The following GBP2 variants were observed in gnomAD, a reference collection of about 807,000 sequenced individuals.
GBP2 encodes guanylate binding protein 2.
GBP2 carries 54 observed loss-of-function variants against 60.8 expected under a neutral mutation model. That is an observed-to-expected ratio of 0.89 (90% CI 0.71 to 1.11). The LOEUF is 1.11. GBP2 is among the 50% of genes most tolerant of loss of function. The pLI is 0.00. For synonymous variants in GBP2, 243 were observed against 256.5 expected (o/e 0.95, Z 0.50); for missense variants, 665 against 703.3 (o/e 0.95, Z 0.62).
chr1:89,117,902 A>G, intron 4 of GBP2, 129 bp from the exon 5 acceptor site: 1 of 761,720 alleles, frequency 1.3e-6, no homozygotes, highest in East Asian at 2.7e-5. Context: ...ATTTATTTAC[A>G]GAATTCATTC....
intron 2 of GBP2, 44 bp from the exon 3 acceptor site, chr1:89,121,314 G>A: frequency 1.3e-6 from 2 of 1,519,618 alleles, no homozygotes; most frequent in South Asian, 2.5e-5. Flanking sequence ...TACTTAGTAG[G>A]TGTTTCTGGA....
chr1:89,112,514 C>T lies in GBP2; in HGVS notation c.1320G>A (p.Glu440=). ...GCACCTGGTAGTACTTATTCTTCAG[C>T]TCCTGCAGCTTCTGAGTAAAGAGAC... is the stretch of plus-strand genomic sequence containing the variant. The part of the protein sequence containing the change: ...GYRLFTQKLQ[E]LKNKYYQVPR... The change falls in exon 8 of 11, where the codon GAG becomes GAA. Residue 440 remains glutamate (E), a synonymous_variant. Coordinates refer to ENST00000370466, the MANE Select transcript of GBP2 (RefSeq NM_004120.5). 1 of 1,614,160 alleles carries T rather than the reference C, an allele frequency of 6.2e-7. No homozygotes were observed. Among genetic ancestry groups the T allele is most frequent in the South Asian group, 1.1e-5 (1 of 91,082 alleles).
In GBP2 at chr1:89,109,666, C is replaced by T. The variant is rs960982863; in HGVS notation, c.1659+11G>A. Reference sequence around the variant, plus strand: ...ACTGGAAGAGAAAATTGAGATGATGCAATTGAATACCTGAAGTTTAAGAGC... The same window carrying T: ...ACTGGAAGAGAAAATTGAGATGATGTAATTGAATACCTGAAGTTTAAGAGC... On this transcript the variant is annotated intron_variant, in intron 10 of 10. Coordinates refer to ENST00000370466, the MANE Select transcript of GBP2 (RefSeq NM_004120.5). 2 of 1,610,534 alleles carry T rather than the reference C, an allele frequency of 1.2e-6. No homozygotes were observed. The highest frequency in any genetic ancestry group is 1.7e-5 in the Admixed American group (1 of 59,762).
At chr1:89,117,852 T>C (rs1410627509) in intron 4 of GBP2, 79 bp from the exon 5 acceptor site, 1 of 1,157,688 alleles carries the variant, frequency 8.6e-7, no homozygotes, top group East Asian at 2.6e-5. Flanking sequence ...CCTAAAATAA[T>C]TTGGTTTCTT....
At position 89,117,253 on chromosome 1, in the gene GBP2, G is replaced by A; in HGVS notation, c.626-19C>T. 1.9e-6 allele frequency: 3 copies of A among 1,595,648 alleles called. No homozygotes were observed. The highest frequency in any genetic ancestry group is 2.6e-6 in the Non-Finnish European group (3 of 1,164,482). Reference sequence around the variant, plus strand: ...TCAGTACCTACAGGAATGAAAATTAGAAGTAGTAAAACTTCAAATTAATTA... The same window carrying A: ...TCAGTACCTACAGGAATGAAAATTAAAAGTAGTAAAACTTCAAATTAATTA... On this transcript the variant is annotated intron_variant, in intron 5 of 10. Coordinates refer to ENST00000370466, the MANE Select transcript of GBP2 (RefSeq NM_004120.5).
At chr1:89,116,670 T>C (rs924017514) in intron 6 of GBP2, among the ~76,000 whole-genome samples, 7 of 152,164 alleles carry the variant, frequency 4.6e-5, no homozygotes, top group Admixed American at 3.9e-4. Flanking sequence ...CATATAGTAT[T>C]TGCTTTTTTC....
intron 8 of GBP2, among the ~76,000 whole-genome samples, chr1:89,112,265 G>A (rs550493607): frequency 7.2e-5 from 11 of 152,172 alleles, no homozygotes; most frequent in South Asian, 6.2e-4. Context: ...GAGTCAATTC[G>A]ATAAACCTCT....
chr1:89,108,648 G>C (rs751426236), intron 10 of GBP2, among the ~76,000 whole-genome samples: 1 of 152,120 alleles, frequency 6.6e-6, no homozygotes, highest in Non-Finnish European at 1.5e-5. Flanking sequence ...AGGTATGAAA[G>C]ATAGATGATT....
intron 1 of GBP2, among the ~76,000 whole-genome samples, chr1:89,123,335 C>G (rs1174813210): frequency 2.0e-5 from 3 of 152,164 alleles, no homozygotes; most frequent in Non-Finnish European, 4.4e-5. Context: ...TATACCAGCA[C>G]ATGAATACAC....
intron 10 of GBP2, among the ~76,000 whole-genome samples, chr1:89,108,535 C>T (rs1220253421): frequency 6.6e-6 from 1 of 152,196 alleles, no homozygotes; most frequent in African/African-American, 2.4e-5. Flanking sequence ...TGCACTCATG[C>T]AACACAGTCT....
chr1:89,122,988 T>C (rs1007344246), intron 1 of GBP2, among the ~76,000 whole-genome samples: 1 of 140,140 alleles, frequency 7.1e-6, no homozygotes, highest in Non-Finnish European at 1.6e-5. Context: ...CTATAGTAGA[T>C]CAGTGTAGAT....
chr1:89,115,706 TCCTCCTGCCTCAG>T (rs1177996319), intron 6 of GBP2, among the ~76,000 whole-genome samples: 4 of 152,168 alleles, frequency 2.6e-5, no homozygotes, highest in African/African-American at 9.7e-5. Context: ...TCATGCTGGG[TCCTCCTGCCTCAG>T]CCTCCTGAGT....
At position 89,110,226 on chromosome 1, in the gene GBP2, T is replaced by A; in HGVS notation, c.1403A>T (p.Asp468Val). 1 of 1,613,890 alleles carries A rather than the reference T, an allele frequency of 6.2e-7. No individual in the cohort carries two copies. The highest frequency in any genetic ancestry group is 8.5e-7 in the Non-Finnish European group (1 of 1,179,910). Residue 468 changes from aspartate to valine, a missense_variant, in exon 9 of 11, where the codon GAT (aspartate) becomes GTT (valine). By Grantham distance (152) the Asp-to-Val change is radical. Coordinates refer to ENST00000370466, the MANE Select transcript of GBP2 (RefSeq NM_004120.5). The part of the protein sequence containing the change: ...VLKKYLESKE[D>V]VADALLQTDQ... ...AGTCTGTAGAAGTGCATCAGCCACA[T>A]CCTCCTTGGACTCCAAATATTTTTT...
At chr1:89,123,799 TACA>T (rs1681459412) in intron 1 of GBP2, among the ~76,000 whole-genome samples, 1 of 152,230 alleles carries the variant, frequency 6.6e-6, no homozygotes, top group African/African-American at 2.4e-5. Context: ...GTCAGAGCTT[TACA>T]ACAAGCTGTA....
In GBP2 at chr1:89,112,619, G is replaced by C. The variant is rs1018830576; in HGVS notation, c.1215C>G (p.Cys405Trp). The stretch of plus-strand genomic sequence containing the variant: ...CAAATATATCCTGAAGTAAAGCCAT[G>C]CAACAATCTGATGATGCTTTGGAAT... ...KQNSKASSDCCMALLQDIFGP... is the reference protein window; with the variant it reads ...KQNSKASSDCWMALLQDIFGP... The change falls in exon 8 of 11, where the codon TGC (cysteine) becomes TGG (tryptophan). Residue 405 changes from cysteine (C) to tryptophan (W), a missense_variant. Cys to Trp is a radical substitution (Grantham distance 215). Transcript: ENST00000370466. The C allele has an allele frequency of 4.3e-6, 7 of 1,614,072 alleles. No individual in the cohort carries two copies. The highest frequency in any genetic ancestry group is 5.9e-6 in the Non-Finnish European group (7 of 1,180,042).
intron 1 of GBP2, 58 bp from the exon 2 acceptor site, chr1:89,122,041 GAACTTTACA>G (rs1681412730): frequency 7.7e-7 from 1 of 1,297,766 alleles, no homozygotes; most frequent in African/African-American, 1.5e-5. Flanking sequence ...TAGCTATGCT[GAACTTTACA>G]ATATGGGTTA....
chr1:89,112,494 T>C lies in GBP2; in HGVS notation c.1340A>G (p.Gln447Arg). Residue 447 changes from glutamine (Q) to arginine (R), a missense_variant, in exon 8 of 11, where the codon CAG becomes CGG. By Grantham distance (43) the Gln-to-Arg change is conservative. Coordinates refer to ENST00000370466, the MANE Select transcript of GBP2 (RefSeq NM_004120.5). ...TACCTGTATCCCCTTCCTTGGCACC[T>C]GGTAGTACTTATTCTTCAGCTCCTG... Reference protein sequence around the residue: ...KLQELKNKYYQVPRKGIQAKE... With the variant: ...KLQELKNKYYRVPRKGIQAKE... 6.2e-7 allele frequency: 1 copy of C among 1,614,132 alleles called. No homozygotes were observed. The highest frequency in any genetic ancestry group is 1.1e-5 in the South Asian group (1 of 91,084).
chr1:89,110,303 G>A, intron 8 of GBP2, 37 bp from the exon 9 acceptor site: 1 of 1,511,154 alleles, frequency 6.6e-7, no homozygotes. Context: ...AAGAAAGAGT[G>A]ATTGTGGGTT....
rs576929932 is a variant in GBP2 at position 89,107,569 on chromosome 1, G to A, written c.*606C>T. Among the ~76,000 whole-genome samples, 9 of 152,272 alleles carry A rather than the reference G, an allele frequency of 5.9e-5. No individual in the cohort carries two copies. Among genetic ancestry groups the A allele is most frequent in the African/African-American group, 2.2e-4 (9 of 41,556 alleles). ...TTCTCTGCTAGTGCCCACAGATCAT[G>A]CAGCCTCCACCCAAATGAGAACTGT... On this transcript the variant is annotated 3_prime_UTR_variant, in exon 11 of 11. Coordinates refer to ENST00000370466, the MANE Select transcript of GBP2 (RefSeq NM_004120.5).
Sources: allele counts gnomAD v4.1 joint callset (sites outside exome capture counted in the v4.1 genomes callset), GRCh38; gene constraint gnomAD v4.1.1; transcripts MANE v1.5; gene names NCBI Gene and HGNC (gene_info 2026-07-23, HGNC 2026-07-21).